The following CSMD3 variants were observed in gnomAD, a reference collection of about 807,000 sequenced individuals.
The protein encoded by CSMD3 is CUB and Sushi multiple domains 3, also known as CUB and sushi domain-containing protein 3.
CSMD3 carries 177 observed loss-of-function variants against 435.2 expected under a neutral mutation model. The ratio of observed to expected loss-of-function variants is 0.41; its 90% CI spans 0.36 to 0.46. The LOEUF is 0.46. Ranked by LOEUF, CSMD3 falls within the 20% of genes least tolerant of loss-of-function variation. The pLI, the probability that CSMD3 is intolerant of heterozygous loss-of-function variation, is 0.34. For missense variants in CSMD3, 4,265 were observed against 4,504.6 expected (o/e 0.95, Z 1.52); for synonymous variants, 1,656 against 1,520.5 (o/e 1.09, Z -2.07).
intron 6 of CSMD3, among the ~76,000 whole-genome samples, chr8:113,016,338 C>A (rs528143826): frequency 6.6e-6 from 1 of 151,780 alleles, no homozygotes; most frequent in East Asian, 1.9e-4. Context: ...ATTATAATAT[C>A]TAAAGCATTC....
chr8:113,331,964 C>T (rs375440862), intron 1 of CSMD3, among the ~76,000 whole-genome samples: 11 of 151,710 alleles, frequency 7.3e-5, no homozygotes, highest in African/African-American at 2.2e-4. Context: ...TAAAATGCAA[C>T]CATACAGCAA....
intron 4 of CSMD3, among the ~76,000 whole-genome samples, chr8:113,128,123 C>T (rs931567027): frequency 2.9e-4 from 44 of 152,162 alleles, no homozygotes; most frequent in African/African-American, 7.7e-4. Flanking sequence ...ATGACCCATA[C>T]AACAATTTGC....
intron 22 of CSMD3, among the ~76,000 whole-genome samples, chr8:112,620,346 T>C (rs945624808): frequency 1.3e-5 from 2 of 152,148 alleles, no homozygotes; most frequent in Non-Finnish European, 2.9e-5. Flanking sequence ...TGTAGGAGAA[T>C]GGCCTTATTT....
At chr8:112,323,894 T>C (rs1823244195) in intron 45 of CSMD3, among the ~76,000 whole-genome samples, 1 of 152,044 alleles carries the variant, frequency 6.6e-6, no homozygotes, top group Non-Finnish European at 1.5e-5. Context: ...TGTGTAAATA[T>C]ACTCATGTTA....
intron 35 of CSMD3, among the ~76,000 whole-genome samples, chr8:112,398,233 G>A (rs1230941361): frequency 6.6e-6 from 1 of 152,124 alleles, no homozygotes; most frequent in Non-Finnish European, 1.5e-5. Flanking sequence ...TCACAGGTTG[G>A]AGGTCTCCAC....
At chr8:113,228,689 G>A (rs964510707) in intron 3 of CSMD3, among the ~76,000 whole-genome samples, 1 of 151,376 alleles carries the variant, frequency 6.6e-6, no homozygotes, top group African/African-American at 2.4e-5. Context: ...ACTAAACTCT[G>A]CCTTCTGATC....
At chr8:112,376,204 C>A (rs1828926469) in intron 38 of CSMD3, among the ~76,000 whole-genome samples, 1 of 152,074 alleles carries the variant, frequency 6.6e-6, no homozygotes, top group African/African-American at 2.4e-5. Flanking sequence ...TGTAATATTG[C>A]TTTATCTTTC....
intron 10 of CSMD3, among the ~76,000 whole-genome samples, chr8:112,867,661 T>G (rs2129990535): frequency 6.6e-6 from 1 of 152,254 alleles, no homozygotes; most frequent in South Asian, 2.1e-4. Context: ...ACAATGATAC[T>G]TGTGTATCTA....
At chr8:112,646,917 T>A (rs552775859) in intron 19 of CSMD3, among the ~76,000 whole-genome samples, 28 of 152,290 alleles carry the variant, frequency 1.8e-4, no homozygotes, top group Admixed American at 1.6e-3. Context: ...TTACAATGAT[T>A]TACTAATTCT....
At chr8:112,908,484 C>G (rs954958372) in intron 10 of CSMD3, among the ~76,000 whole-genome samples, 2 of 151,452 alleles carry the variant, frequency 1.3e-5, no homozygotes, top group Non-Finnish European at 3.0e-5. Flanking sequence ...ATTCTAAATA[C>G]ACTCTCTGGC....
chr8:113,017,614 T>C (rs1396370502), intron 6 of CSMD3, among the ~76,000 whole-genome samples: 1 of 151,914 alleles, frequency 6.6e-6, no homozygotes, highest in African/African-American at 2.4e-5. Context: ...TGGCCTTAAC[T>C]AATTGTAGAA....
chr8:112,322,264 G>A (rs1049781175), intron 45 of CSMD3, among the ~76,000 whole-genome samples: 1 of 152,022 alleles, frequency 6.6e-6, no homozygotes, highest in Non-Finnish European at 1.5e-5. Flanking sequence ...AATATTCTGA[G>A]AATGACCTAG....
At chr8:112,737,058 C>A (rs1587126893) in intron 13 of CSMD3, among the ~76,000 whole-genome samples, 1 of 151,780 alleles carries the variant, frequency 6.6e-6, no homozygotes, top group African/African-American at 2.4e-5. Context: ...AGGCAACCTT[C>A]AGAGAGAAAG....
chr8:112,895,265 T>C (rs2081918406), intron 10 of CSMD3, among the ~76,000 whole-genome samples: 1 of 151,350 alleles, frequency 6.6e-6, no homozygotes, highest in Non-Finnish European at 1.5e-5. Context: ...AATAATGTGT[T>C]GCAGAAATTT....
At chr8:112,421,561 TTA>T (rs3028669) in intron 32 of CSMD3, among the ~76,000 whole-genome samples, 2 of 144,650 alleles carry the variant, frequency 1.4e-5, no homozygotes, top group South Asian at 4.2e-4. Flanking sequence ...TATATATATG[TTA>T]TATATATGTA....
At position 113,384,804 on chromosome 8, in the gene CSMD3, C is replaced by A. The variant is rs142609494; in HGVS notation, c.178+51873G>T. Among the ~76,000 whole-genome samples the A allele has an allele frequency of 6.3e-3, 966 of 152,260 alleles. 8 individuals are homozygous for A. Among genetic ancestry groups the A allele is most frequent in the African/African-American group, 0.021 (880 of 41,556 alleles). ...CTCTCCTCCTTTTTCTTTCTGTCTG[C>A]TTTCTACCACCCCTTACTTGTGGAA... On this transcript the variant is annotated intron_variant, in intron 1 of 70. Transcript: ENST00000297405.
chr8:113,022,133 T>C (rs1027697408), intron 5 of CSMD3, among the ~76,000 whole-genome samples: 4 of 152,196 alleles, frequency 2.6e-5, no homozygotes, highest in African/African-American at 9.6e-5. Flanking sequence ...CTGTCCTTAT[T>C]TCACATGTTA....
chr8:112,399,510 C>T (rs1563895417), intron 35 of CSMD3, among the ~76,000 whole-genome samples: 1 of 152,120 alleles, frequency 6.6e-6, no homozygotes, highest in Non-Finnish European at 1.5e-5. Flanking sequence ...TCAGCTCGGC[C>T]TCCCAAAGTA....
chr8:112,616,226 T>C (rs1347953614), intron 22 of CSMD3, among the ~76,000 whole-genome samples: 1 of 151,808 alleles, frequency 6.6e-6, no homozygotes, highest in African/African-American at 2.4e-5. Flanking sequence ...GCATGCATAA[T>C]GGATTTGGAA....
Sources: gnomAD v4.1 joint callset for allele counts (sites outside exome capture counted in the v4.1 genomes callset) on GRCh38, gnomAD v4.1.1 for gene constraint, MANE v1.5 for transcripts, NCBI Gene and HGNC (gene_info 2026-07-23, HGNC 2026-07-21) for gene names.